Variants in KIAA1328 observed in about 807,000 individuals in gnomAD.
KIAA1328 encodes KIAA1328.
A neutral mutation model predicts 68.1 loss-of-function variants in KIAA1328; 52 were observed. The ratio of observed to expected loss-of-function variants is 0.76; its 90% CI spans 0.61 to 0.96. KIAA1328 has a LOEUF of 0.96. KIAA1328 is among the 40% of genes least tolerant of loss of function. The pLI, the probability that KIAA1328 is intolerant of heterozygous loss-of-function variation, is 0.00. For missense variants in KIAA1328, 641 were observed against 677.6 expected, an observed-to-expected ratio of 0.95 and a Z score of 0.60; for synonymous variants, 232 against 239.4, an observed-to-expected ratio of 0.97 and a Z score of 0.28.
At chr18:37,134,928 A>G (rs2058609372) in intron 7 of KIAA1328, among the ~76,000 whole-genome samples, 2 of 152,070 alleles carry the variant, frequency 1.3e-5, no homozygotes, top group African/African-American at 2.4e-5. Flanking sequence ...TTTAGTTCCC[A>G]CTTACAAGTG....
intron 3 of KIAA1328, among the ~76,000 whole-genome samples, chr18:36,843,077 A>G (rs1012534723): frequency 6.6e-6 from 1 of 152,128 alleles, no homozygotes; most frequent in Non-Finnish European, 1.5e-5. Flanking sequence ...ATAGAAAAGT[A>G]TAAAGAATAA....
intron 7 of KIAA1328, among the ~76,000 whole-genome samples, chr18:37,138,054 T>A (rs2058683556): frequency 6.6e-6 from 1 of 152,204 alleles, no homozygotes; most frequent in South Asian, 2.1e-4. Flanking sequence ...ATTGAACACC[T>A]TCTATGTACT....
At chr18:37,090,678 A>G (rs1286829758) in intron 7 of KIAA1328, among the ~76,000 whole-genome samples, 1 of 152,184 alleles carries the variant, frequency 6.6e-6, no homozygotes, top group African/African-American at 2.4e-5. Context: ...CTTATAATGT[A>G]TGATTTTGAA....
intron 7 of KIAA1328, among the ~76,000 whole-genome samples, chr18:37,068,207 G>A (rs759545811): frequency 4.9e-4 from 74 of 152,200 alleles, no homozygotes; most frequent in Non-Finnish European, 5.7e-4. Context: ...GAGATTTCGG[G>A]GTGTGGAATT....
At chr18:37,101,386 C>A (rs1397250669) in intron 7 of KIAA1328, among the ~76,000 whole-genome samples, 1 of 152,078 alleles carries the variant, frequency 6.6e-6, no homozygotes, top group East Asian at 1.9e-4. Context: ...GCCTCAGTAG[C>A]CGATTCGATC....
intron 9 of KIAA1328, 150 bp downstream of exon 9, chr18:37,173,231 G>A: frequency 1.8e-6 from 1 of 567,678 alleles, no homozygotes; most frequent in Non-Finnish European, 3.0e-6. Flanking sequence ...GATTTGGCCA[G>A]TTTGAACCAC....
intron 7 of KIAA1328, among the ~76,000 whole-genome samples, chr18:37,102,159 A>G (rs1305032375): frequency 6.6e-6 from 1 of 152,228 alleles, no homozygotes; most frequent in African/African-American, 2.4e-5. Flanking sequence ...GTGCACCATG[A>G]TCAAGTGGGG....
chr18:37,121,776 C>T (rs2058278048), intron 7 of KIAA1328, among the ~76,000 whole-genome samples: 1 of 152,032 alleles, frequency 6.6e-6, no homozygotes, highest in Admixed American at 6.6e-5. Context: ...AATGAAAACA[C>T]TTTCATTGGA....
intron 9 of KIAA1328, among the ~76,000 whole-genome samples, chr18:37,208,211 G>A (rs1397010771): frequency 6.6e-6 from 1 of 152,064 alleles, no homozygotes; most frequent in Non-Finnish European, 1.5e-5. Flanking sequence ...CATTGGTCTG[G>A]TGAGACCAGC....
chr18:36,950,505 T>C (rs1170250888), intron 5 of KIAA1328, among the ~76,000 whole-genome samples: 3 of 152,180 alleles, frequency 2.0e-5, no homozygotes, highest in African/African-American at 7.2e-5. Context: ...GATAGTAATA[T>C]AGTCAAATAA....
intron 5 of KIAA1328, among the ~76,000 whole-genome samples, chr18:36,958,951 TTTAACTC>T (rs1383804165): frequency 6.6e-6 from 1 of 152,190 alleles, no homozygotes; most frequent in African/African-American, 2.4e-5. Flanking sequence ...GTTTTATAGT[TTTAACTC>T]TTACGTTTAG....
chr18:37,180,050 T>A (rs2059668643), intron 9 of KIAA1328, among the ~76,000 whole-genome samples: 1 of 134,728 alleles, frequency 7.4e-6, no homozygotes, highest in South Asian at 2.6e-4. Context: ...TGCCATGGGA[T>A]TCAAAAGCCA....
chr18:36,829,394 G>A, intron 1 of KIAA1328, 198 bp downstream of exon 1: 1 of 1,361,292 alleles, frequency 7.3e-7, no homozygotes, highest in Middle Eastern at 2.7e-4. Flanking sequence ...GGTACTGTCT[G>A]CAGGTGTGGG....
In KIAA1328 at chr18:36,844,272, G is replaced by A. The variant is rs2150808752; in HGVS notation, c.302G>A (p.Arg101His). The change falls in exon 4 of 10, where the codon CGC becomes CAC. Residue 101 changes from arginine (R) to histidine (H), a missense_variant. Physicochemically the swap from Arg to His is conservative, Grantham distance 29. Transcript: ENST00000280020. ...LKDLCLEDKR[R>H]IANLIKELAR... ...GATTTATGTCTTGAAGACAAAAGAC[G>A]CATTGCAAACTTAATTAAAGAACTG... 3.1e-6 allele frequency: 5 copies of A among 1,604,972 alleles called. No individual in the cohort carries two copies. The highest frequency in any genetic ancestry group is 2.2e-5 in the South Asian group (2 of 89,238).
intron 5 of KIAA1328, among the ~76,000 whole-genome samples, chr18:36,924,478 T>C (rs2050041220): frequency 6.6e-6 from 1 of 152,074 alleles, no homozygotes; most frequent in Admixed American, 6.6e-5. Context: ...ATTGAGCATA[T>C]AGAGACAAGA....
intron 5 of KIAA1328, among the ~76,000 whole-genome samples, chr18:36,908,202 T>C (rs1337711608): frequency 6.6e-6 from 1 of 152,194 alleles, no homozygotes; most frequent in African/African-American, 2.4e-5. Context: ...TTTCTTCTTA[T>C]GGAGGAGTTG....
intron 9 of KIAA1328, among the ~76,000 whole-genome samples, chr18:37,218,694 A>G (rs1424291788): frequency 6.6e-6 from 1 of 152,098 alleles, no homozygotes; most frequent in Non-Finnish European, 1.5e-5. Context: ...TACACTGTTT[A>G]TTCTAGTTAG....
chr18:37,066,897 G>C lies in KIAA1328; in HGVS notation c.584G>C (p.Ser195Thr), dbSNP rs1368830083. The C allele has an allele frequency of 6.3e-7, 1 of 1,582,008 alleles. No individual in the cohort carries two copies. The highest frequency in any genetic ancestry group is 8.6e-7 in the Non-Finnish European group (1 of 1,164,184). The change falls in exon 7 of 10, where the codon AGT (serine) becomes ACT (threonine). Residue 195 changes from serine (S) to threonine (T), a missense_variant. By Grantham distance (58) the Ser-to-Thr change is moderately conservative. Coordinates refer to ENST00000280020, the MANE Select transcript of KIAA1328 (RefSeq NM_020776.3). The part of the protein sequence containing the change: ...AARMQEQQVS[S>T]RKSTLQCSSV... ...TCTTGTGGTTCTTTCTAGGTATCCA[G>C]TAGAAAAAGCACTCTCCAGTGTTCA...
chr18:36,945,004 G>A (rs1428721356), intron 5 of KIAA1328, among the ~76,000 whole-genome samples: 1 of 152,158 alleles, frequency 6.6e-6, no homozygotes, highest in Admixed American at 6.5e-5. Context: ...TAAGAAGAAA[G>A]CTTTGTTTGA....
Sources: allele counts gnomAD v4.1 joint callset (sites outside exome capture counted in the v4.1 genomes callset), GRCh38; gene constraint gnomAD v4.1.1; transcripts MANE v1.5; gene names NCBI Gene and HGNC (gene_info 2026-07-23, HGNC 2026-07-21).